The following KCNT1 variants were observed in gnomAD, a reference collection of about 807,000 sequenced individuals.
The protein encoded by KCNT1 is potassium sodium-activated channel subfamily T member 1.
In KCNT1, 78 loss-of-function variants were observed where a neutral mutation model predicts 147.8. That is an observed-to-expected ratio of 0.53 (90% CI 0.44 to 0.64). The LOEUF is 0.64. Among genes scored for constraint, KCNT1 ranks in the 30% least tolerant of loss-of-function variants. The probability of loss-of-function intolerance (pLI) is 0.00; values close to 1 mark genes in which losing one functional copy is unlikely to be tolerated. For synonymous variants in KCNT1, 867 were observed against 748.8 expected, an observed-to-expected ratio of 1.16 and a Z score of -2.58; for missense variants, 1,419 against 1,750.3, an observed-to-expected ratio of 0.81 and a Z score of 3.38.
At chr9:135,731,245 C>T (rs1420841911) in intron 2 of KCNT1, among the ~76,000 whole-genome samples, 1 of 152,164 alleles carries the variant, frequency 6.6e-6, no homozygotes, top group African/African-American at 2.4e-5. Flanking sequence ...TGCCCTGAGT[C>T]AGTCATTCTC....
At position 135,777,471 on chromosome 9, in the gene KCNT1, G is replaced by A. The variant is rs747191095; in HGVS notation, c.2483G>A (p.Arg828His). 8.7e-6 allele frequency: 14 copies of A among 1,613,862 alleles called. 2 individuals are homozygous for A. In the South Asian group the frequency reaches 8.8e-5, roughly 10 times the overall value. ...IVPLRAYYRS[R>H]KELNPIVLLL... ...CCACTGCGGGCCTACTACAGATCCC[G>A]CAAGGAGCTGAACCCCATCGTGCTG... Residue 828 changes from arginine to histidine, a missense_variant, in exon 21 of 31, where the codon CGC becomes CAC. Coordinates refer to ENST00000371757, the MANE Select transcript of KCNT1 (RefSeq NM_020822.3).
chr9:135,768,738 T>C (rs1050965731), intron 14 of KCNT1, 65 bp downstream of exon 14: 2 of 1,535,410 alleles, frequency 1.3e-6, no homozygotes, highest in African/African-American at 1.4e-5. Context: ...CGGGGGTCCC[T>C]GAGGGAAGAG....
At chr9:135,787,767 C>G (rs756714922) in intron 29 of KCNT1, among the ~76,000 whole-genome samples, 1 of 152,200 alleles carries the variant, frequency 6.6e-6, no homozygotes, top group Admixed American at 6.5e-5. Flanking sequence ...GTCCCTGTCC[C>G]GGGAGGGACT....
At chr9:135,756,758 C>A in intron 6 of KCNT1, 115 bp from the exon 7 acceptor site, 2 of 869,592 alleles carry the variant, frequency 2.3e-6, no homozygotes, top group African/African-American at 1.6e-5. Flanking sequence ...AGGGTCAAGG[C>A]AGACCCCAGA....
At chr9:135,748,748 G>A (rs1168136349) in intron 2 of KCNT1, among the ~76,000 whole-genome samples, 1 of 152,238 alleles carries the variant, frequency 6.6e-6, no homozygotes, top group Non-Finnish European at 1.5e-5. Context: ...GCCCTACTGT[G>A]TTGTGGCCCT....
intron 24 of KCNT1, among the ~76,000 whole-genome samples, chr9:135,779,867 G>A (rs1011717085): frequency 1.3e-5 from 2 of 152,246 alleles, no homozygotes; most frequent in Non-Finnish European, 1.5e-5. Flanking sequence ...TACAGATAAC[G>A]CACACGGCTG....
chr9:135,790,049 G>C (rs1834378392), intron 29 of KCNT1: 1 of 152,186 alleles, frequency 6.6e-6, no homozygotes. Context: ...AGCCCAGTGA[G>C]CTCTGCTTAC....
At chr9:135,745,744 C>T (rs1830797933) in intron 2 of KCNT1, among the ~76,000 whole-genome samples, 1 of 152,248 alleles carries the variant, frequency 6.6e-6, no homozygotes, top group Non-Finnish European at 1.5e-5. Context: ...CAGGCGCTGG[C>T]AGGTGGAGGG....
chr9:135,764,235 C>A (rs988555046), intron 11 of KCNT1, among the ~76,000 whole-genome samples: 1 of 152,056 alleles, frequency 6.6e-6, no homozygotes, highest in Non-Finnish European at 1.5e-5. Flanking sequence ...GCAGGAGGAT[C>A]GCTTGAGCCC....
Position 135,792,047 on chromosome 9 carries a change from C to A in KCNT1, c.3594C>A (p.Leu1198=). The part of the protein sequence containing the change: ...TRLEPSDIVY[L]IRSDPLAHVA... ...CCTCTGTGCCCTCCCGCAGCTATCT[C>A]ATCCGCTCCGACCCCCTGGCTCACG... The change falls in exon 31 of 31, where the codon CTC becomes CTA. Residue 1198 remains leucine (L), a synonymous_variant. Coordinates refer to ENST00000371757, the MANE Select transcript of KCNT1 (RefSeq NM_020822.3). 1 of 1,604,194 alleles carries A rather than the reference C, an allele frequency of 6.2e-7. No homozygotes were observed. The highest frequency in any genetic ancestry group is 1.1e-5 in the South Asian group (1 of 91,002).
chr9:135,748,453 G>T (rs894396728), intron 2 of KCNT1, among the ~76,000 whole-genome samples: 38 of 152,240 alleles, frequency 2.5e-4, no homozygotes, highest in African/African-American at 8.0e-4. Context: ...ACCAGCCCCA[G>T]GCCAGGCAGT....
rs1176639976 is a variant in KCNT1, at chr9:135,784,835, C to A, written c.3102C>A (p.Ala1034=). 1 of 1,612,746 alleles carries A rather than the reference C, an allele frequency of 6.2e-7. No homozygotes were observed. Among genetic ancestry groups the A allele is most frequent in the African/African-American group, 1.3e-5 (1 of 74,932 alleles). The change falls in exon 27 of 31, where the codon GCC becomes GCA. Residue 1034 remains alanine (A), a synonymous_variant. Transcript: ENST00000371757. ...TCCAGAAGCTCTGCTCCTCCAGCGC[C>A]GAGATCCCCATTGGCATCTACCGGA... ...RLFQKLCSSS[A]EIPIGIYRTE...
At chr9:135,734,660 A>T (rs1358021266) in intron 2 of KCNT1, among the ~76,000 whole-genome samples, 5 of 152,208 alleles carry the variant, frequency 3.3e-5, no homozygotes, top group African/African-American at 7.2e-5. Context: ...CTCGAAAAGC[A>T]GGAACGGAAA....
At chr9:135,770,241 GA>G in intron 16 of KCNT1, 56 bp from the exon 17 acceptor site, 2 of 1,544,490 alleles carry the variant, frequency 1.3e-6, no homozygotes, top group Non-Finnish European at 1.7e-6. Context: ...CCCAGCCGGG[GA>G]GAAGGGGCAG....
intron 2 of KCNT1, among the ~76,000 whole-genome samples, chr9:135,720,698 G>GA (rs1835891278): frequency 6.6e-6 from 1 of 152,220 alleles, no homozygotes; most frequent in African/African-American, 2.4e-5. Context: ...GCCACTCTGG[G>GA]ACCCTGAGCT....
At chr9:135,735,143 G>C (rs372934440) in intron 2 of KCNT1, among the ~76,000 whole-genome samples, 2 of 152,188 alleles carry the variant, frequency 1.3e-5, no homozygotes, top group African/African-American at 4.8e-5. Context: ...CTCTCCCCTG[G>C]GGTAGACCCG....
chr9:135,767,205 C>T (rs1315168488), intron 13 of KCNT1, among the ~76,000 whole-genome samples: 1 of 152,158 alleles, frequency 6.6e-6, no homozygotes, highest in African/African-American at 2.4e-5. Flanking sequence ...GCCTATGGAA[C>T]GCCACCTCTT....
chr9:135,736,218 T>G (rs979557264), intron 2 of KCNT1, among the ~76,000 whole-genome samples: 2 of 152,130 alleles, frequency 1.3e-5, no homozygotes, highest in Non-Finnish European at 2.9e-5. Flanking sequence ...TGGGCACAGC[T>G]TGGGCAGGCC....
intron 2 of KCNT1, among the ~76,000 whole-genome samples, chr9:135,724,247 G>A (rs1179214648): frequency 6.6e-6 from 1 of 152,244 alleles, no homozygotes; most frequent in African/African-American, 2.4e-5. Context: ...CATCCCCGGA[G>A]GCCAGGCTGG....
Sources: allele counts gnomAD v4.1 joint callset (sites outside exome capture counted in the v4.1 genomes callset), GRCh38; gene constraint gnomAD v4.1.1; transcripts MANE v1.5; gene names NCBI Gene and HGNC (gene_info 2026-07-23, HGNC 2026-07-21).